The following KIAA0753 variants were observed in gnomAD, a reference collection of about 807,000 sequenced individuals.
The protein encoded by KIAA0753 is protein moonraker.
KIAA0753 carries 114 observed loss-of-function variants against 116.9 expected under a neutral mutation model. The ratio of observed to expected loss-of-function variants is 0.98; its 90% confidence interval spans 0.84 to 1.14. The LOEUF (loss-of-function observed/expected upper bound fraction) is 1.14, where lower values mean the gene tolerates loss of function less well. Ranked by LOEUF, KIAA0753 falls within the 50% of genes most tolerant of loss-of-function variation. The probability of loss-of-function intolerance (pLI) is 0.00; values close to 1 mark genes in which losing one functional copy is unlikely to be tolerated. For missense variants in KIAA0753, 1,156 were observed against 1,172.4 expected (o/e 0.99, Z 0.20); for synonymous variants, 405 against 413.1 (o/e 0.98, Z 0.24).
chr17:6,620,722 A>G, intron 7 of KIAA0753, 66 bp downstream of exon 7: 1 of 1,500,538 alleles, frequency 6.7e-7, no homozygotes, highest in Non-Finnish European at 9.3e-7. Context: ...TCAGTGCAGT[A>G]ACTGTTATAG....
intron 18 of KIAA0753, among the ~76,000 whole-genome samples, chr17:6,580,885 C>A (rs986225351): frequency 7.4e-6 from 1 of 135,954 alleles, no homozygotes; most frequent in Non-Finnish European, 1.6e-5. Context: ...GGACTCTGCA[C>A]GGGTGCTCCT....
chr17:6,590,026 A>G, intron 17 of KIAA0753, 23 bp from the exon 18 acceptor site: 1 of 1,496,518 alleles, frequency 6.7e-7, no homozygotes, highest in Non-Finnish European at 9.0e-7. Flanking sequence ...AAAAATGATG[A>G]AAGCATTCAA....
chr17:6,580,123 T>C (rs971942075), intron 18 of KIAA0753, among the ~76,000 whole-genome samples: 18 of 151,324 alleles, frequency 1.2e-4, no homozygotes, highest in African/African-American at 3.9e-4. Flanking sequence ...GAGGTGGAGA[T>C]TGCAGTGAGC....
At chr17:6,626,589 C>A (rs1004235892) in intron 3 of KIAA0753, among the ~76,000 whole-genome samples, 2 of 151,760 alleles carry the variant, frequency 1.3e-5, no homozygotes, top group African/African-American at 4.8e-5. Flanking sequence ...CAGCTGTCTA[C>A]AGAGCAGCAC....
At chr17:6,628,819 T>C in intron 2 of KIAA0753, 78 bp from the exon 3 acceptor site, 5 of 1,440,408 alleles carry the variant, frequency 3.5e-6, no homozygotes, top group East Asian at 2.3e-5. Flanking sequence ...ATAATCAAAT[T>C]TCTAAAATTT....
At chr17:6,611,859 T>C in intron 8 of KIAA0753, 60 bp downstream of exon 8, 1 of 1,420,844 alleles carries the variant, frequency 7.0e-7, no homozygotes, top group Non-Finnish European at 9.9e-7. Flanking sequence ...TACCAGTTTA[T>C]GTGACCTTGA....
In KIAA0753 at chr17:6,592,474, T is replaced by C. The variant is rs181240503; in HGVS notation, c.2441-1844A>G. Among the ~76,000 whole-genome samples, 11 of 152,268 alleles carry C rather than the reference T, an allele frequency of 7.2e-5. No individual in the cohort carries two copies. In the East Asian group the frequency reaches 2.1e-3, roughly 29 times the overall value. On this transcript the variant is annotated intron_variant, in intron 16 of 18. Transcript: ENST00000361413. ...CCGATAAGCACAAGTCAAACAGAAT[T>C]TGAGTAACGTTTCCCAGCCAAAGTG... is the stretch of plus-strand genomic sequence containing the variant.
intron 8 of KIAA0753, among the ~76,000 whole-genome samples, chr17:6,611,449 A>T (rs1970538962): frequency 6.6e-6 from 1 of 152,080 alleles, no homozygotes; most frequent in Non-Finnish European, 1.5e-5. Flanking sequence ...TACAAGCATG[A>T]GTTACCACAT....
intron 12 of KIAA0753, among the ~76,000 whole-genome samples, chr17:6,601,502 C>G (rs1969870425): frequency 6.6e-6 from 1 of 152,228 alleles, no homozygotes; most frequent in Non-Finnish European, 1.5e-5. Context: ...TCTGGGCAGT[C>G]TGACCCAGGC....
intron 7 of KIAA0753, among the ~76,000 whole-genome samples, chr17:6,614,075 T>C (rs1032200227): frequency 2.0e-5 from 3 of 152,200 alleles, no homozygotes; most frequent in Non-Finnish European, 2.9e-5. Context: ...AAAATCTGAA[T>C]TGTCAATAAA....
At chr17:6,626,195 C>CT (rs1436573026) in intron 3 of KIAA0753, among the ~76,000 whole-genome samples, 13 of 150,820 alleles carry the variant, frequency 8.6e-5, no homozygotes, top group Non-Finnish European at 1.9e-4. Context: ...TGCAATCTAT[C>CT]TATTCCTTCC....
intron 8 of KIAA0753, among the ~76,000 whole-genome samples, chr17:6,611,469 T>C (rs753497616): frequency 2.0e-5 from 3 of 152,052 alleles, no homozygotes; most frequent in Non-Finnish European, 4.4e-5. Context: ...TCTGGCTAAT[T>C]TTGTTTTTAG....
Position 6,585,089 on chromosome 17 carries a change from G to A in KIAA0753, c.2786+4690C>T, listed in dbSNP as rs1968470862. Among the ~76,000 whole-genome samples, 4 of 152,000 alleles carry A rather than the reference G, an allele frequency of 2.6e-5. No homozygotes were observed. The South Asian group carries it at 8.3e-4, about 32-fold the overall frequency. ...GATTAGATGTGAGCCACCATACCCG[G>A]GCCCTAAAAATGTTTCTATTCTATC... On this transcript the variant is annotated intron_variant, in intron 18 of 18. Transcript: ENST00000361413.
intron 14 of KIAA0753, 41 bp from the exon 15 acceptor site, chr17:6,596,384 G>A: frequency 3.3e-5 from 19 of 571,258 alleles, no homozygotes; most frequent in Middle Eastern, 3.0e-4. Flanking sequence ...GCATGGGGTG[G>A]ATTAGGGGTG....
chr17:6,628,446 T>G lies in KIAA0753; in HGVS notation c.389A>C (p.Gln130Pro), dbSNP rs1301572345. 6.2e-7 allele frequency: 1 copy of G among 1,614,224 alleles called. No homozygotes were observed. Among genetic ancestry groups the G allele is most frequent in the African/African-American group, 1.3e-5 (1 of 75,056 alleles). ...HHLRSQPQSS[Q>P]KCGHTKYKIP... is the part of the protein sequence containing the mutation. Reference sequence around the variant, plus strand: ...TTTATACTTAGTATGTCCACACTTCTGAGAGCTTTGAGGCTGACTTCTGAG... The same window carrying G: ...TTTATACTTAGTATGTCCACACTTCGGAGAGCTTTGAGGCTGACTTCTGAG... Residue 130 changes from glutamine to proline, a missense_variant, in exon 3 of 19, where the codon CAG becomes CCG. Coordinates refer to ENST00000361413, the MANE Select transcript of KIAA0753 (RefSeq NM_014804.3).
intron 7 of KIAA0753, among the ~76,000 whole-genome samples, chr17:6,614,445 TAATA>T (rs1652236573): frequency 6.7e-6 from 1 of 149,150 alleles, no homozygotes; most frequent in Non-Finnish European, 1.5e-5. Flanking sequence ...GCAGTAAAAT[TAATA>T]AATGAGAATT....
At chr17:6,593,475 G>C (rs548137573) in intron 16 of KIAA0753, among the ~76,000 whole-genome samples, 1 of 152,196 alleles carries the variant, frequency 6.6e-6, no homozygotes, top group East Asian at 1.9e-4. Flanking sequence ...ACTTCCGGAG[G>C]CAGGGCGCAA....
At position 6,590,646 on chromosome 17, in the gene KIAA0753, C is replaced by A. The variant is rs777998074; in HGVS notation, c.2441-16G>T. 11 of 1,612,878 alleles carry A rather than the reference C, an allele frequency of 6.8e-6. No individual in the cohort carries two copies. The highest frequency in any genetic ancestry group is 1.3e-5 in the African/African-American group (1 of 74,982). On this transcript the variant is annotated splice_polypyrimidine_tract_variant and intron_variant, in intron 16 of 18. Coordinates refer to ENST00000361413, the MANE Select transcript of KIAA0753 (RefSeq NM_014804.3). ...ATTTTTTGGTCTAGAAAAGGAGGGT[C>A]ATAAAATGACTGCATATAAAGAACA...
chr17:6,587,029 G>C lies in KIAA0753; in HGVS notation c.2786+2750C>G, dbSNP rs967590319. ...GCGGGTGGATCACCTGAGGTTATGA[G>C]TTCGAGACCAGCCTGGCCAACATGG... is the stretch of plus-strand genomic sequence containing the variant. On this transcript the variant is annotated intron_variant, in intron 18 of 18. Coordinates refer to ENST00000361413, the MANE Select transcript of KIAA0753 (RefSeq NM_014804.3). 8.5e-5 allele frequency among the ~76,000 whole-genome samples: 13 copies of C among 152,242 alleles called. No homozygotes were observed. The East Asian group carries it at 2.5e-3, about 29-fold the overall frequency.
Sources: gnomAD v4.1 joint callset for allele counts (sites outside exome capture counted in the v4.1 genomes callset) on GRCh38, gnomAD v4.1.1 for gene constraint, MANE v1.5 for transcripts, NCBI Gene and HGNC (gene_info 2026-07-23, HGNC 2026-07-21) for gene names.